Variants in RIMBP2 observed in about 807,000 individuals in gnomAD.
The protein encoded by RIMBP2 is RIMS-binding protein 2.
RIMBP2 carries 48 observed loss-of-function variants against 118.6 expected under a neutral mutation model. That is an observed-to-expected ratio of 0.40 (90% confidence interval 0.32 to 0.51). The LOEUF is 0.51. Ranked by LOEUF, RIMBP2 falls within the 20% of genes least tolerant of loss-of-function variation. RIMBP2 has a pLI of 0.41. For missense variants in RIMBP2, 1,551 were observed against 1,768.3 expected (o/e 0.88, Z 2.20); for synonymous variants, 762 against 742.9 (o/e 1.03, Z -0.42).
chr12:130,409,268 G>C (rs1311428175), intron 19 of RIMBP2, among the ~76,000 whole-genome samples: 1 of 141,380 alleles, frequency 7.1e-6, no homozygotes, highest in Non-Finnish European at 1.5e-5. Context: ...CCACAGATCT[G>C]TTTCCTGTCC....
intron 5 of RIMBP2, among the ~76,000 whole-genome samples, chr12:130,473,341 G>A (rs568908678): frequency 6.6e-6 from 1 of 152,362 alleles, no homozygotes; most frequent in Admixed American, 6.5e-5. Context: ...AGCTCCCGAC[G>A]CTGGAGGAAG....
At position 130,447,231 on chromosome 12, in the gene RIMBP2, A is replaced by AG. The variant is rs1382681712; in HGVS notation, c.582-1963dup. ...TGAGAGGGAAGCCGCGGAGGCCAAGAGGGAAGGTGAACACCGAGAAGGGTG... is the reference window on the plus strand; with the variant it reads ...TGAGAGGGAAGCCGCGGAGGCCAAGAGGGGAAGGTGAACACCGAGAAGGGTG... On this transcript the variant is annotated intron_variant, in intron 9 of 22. Coordinates refer to ENST00000690449, the MANE Select transcript of RIMBP2 (RefSeq NM_001393629.1). The surrounding 1 kb of genome is among the most constrained non-coding windows in gnomAD (Gnocchi z 4.4). 6.6e-6 allele frequency among the ~76,000 whole-genome samples: 1 copy of AG among 151,648 alleles called. No individual in the cohort carries two copies. Among genetic ancestry groups the AG allele is most frequent in the Non-Finnish European group, 1.5e-5 (1 of 67,900 alleles).
rs1017167790 is a variant in RIMBP2 at position 130,581,733 on chromosome 12, G to C, written c.-217+46589C>G. Among the ~76,000 whole-genome samples the C allele has an allele frequency of 3.9e-5, 6 of 152,272 alleles. No individual in the cohort carries two copies. Among genetic ancestry groups the C allele is most frequent in the Middle Eastern group, 3.4e-3 (1 of 294 alleles). On this transcript the variant is annotated intron_variant, in intron 2 of 22. Transcript: ENST00000690449. The surrounding 1 kb of genome is among the most constrained non-coding windows in gnomAD (Gnocchi z 4.4). ...GCCTGAGTCATCACCATTCCTCGCC[G>C]GGTTATGAGAATGGCCTCTCAATGG...
intron 2 of RIMBP2, among the ~76,000 whole-genome samples, chr12:130,520,015 A>G (rs1484753044): frequency 6.6e-6 from 1 of 152,160 alleles, no homozygotes; most frequent in Non-Finnish European, 1.5e-5. Flanking sequence ...ACGTTCTGCC[A>G]CCACACAGCC....
rs974755890 is a variant in RIMBP2, at chr12:130,514,512, C to T, written c.-127+3316G>A. ...CTGCAGGGCTCAGCTCCAGCACCCC[C>T]ATCCCCCCACAGCTGGCATTGCCTC... On this transcript the variant is annotated intron_variant, in intron 3 of 22. Transcript: ENST00000690449. 1.8e-4 allele frequency among the ~76,000 whole-genome samples: 27 copies of T among 152,324 alleles called. 1 individual carries two copies. Among genetic ancestry groups the T allele is most frequent in the Admixed American group, 1.6e-3 (24 of 15,300 alleles).
At chr12:130,656,144 G>A (rs1435997116) in intron 1 of RIMBP2, among the ~76,000 whole-genome samples, 1 of 152,206 alleles carries the variant, frequency 6.6e-6, no homozygotes, top group Non-Finnish European at 1.5e-5. Flanking sequence ...GTGGGCCCCG[G>A]GAGGGCCAGG....
intron 2 of RIMBP2, among the ~76,000 whole-genome samples, chr12:130,527,894 CCATCT>C (rs977912288): frequency 6.6e-6 from 1 of 152,156 alleles, no homozygotes; most frequent in African/African-American, 2.4e-5. Context: ...CAATGAGATA[CCATCT>C]CATAACAGTC....
intron 1 of RIMBP2, among the ~76,000 whole-genome samples, chr12:130,685,252 C>T (rs2064986905): frequency 6.6e-6 from 1 of 152,194 alleles, no homozygotes; most frequent in African/African-American, 2.4e-5. Context: ...ACCTCTCCGT[C>T]TCCAGATGGT....
At chr12:130,550,544 TG>T (rs926575230) in intron 2 of RIMBP2, among the ~76,000 whole-genome samples, 29 of 152,322 alleles carry the variant, frequency 1.9e-4, no homozygotes, top group African/African-American at 6.7e-4. Context: ...ATGTTTCCAC[TG>T]GGGTCAGCTG....
chr12:130,595,004 T>A (rs551786700), intron 2 of RIMBP2, among the ~76,000 whole-genome samples: 1 of 152,350 alleles, frequency 6.6e-6, no homozygotes, highest in South Asian at 2.1e-4. Flanking sequence ...CAGACACTAT[T>A]TTAAAACACT....
chr12:130,457,649 C>T (rs978885223), intron 6 of RIMBP2, among the ~76,000 whole-genome samples: 1 of 152,250 alleles, frequency 6.6e-6, no homozygotes, highest in African/African-American at 2.4e-5. Flanking sequence ...GACCGCCCCC[C>T]GGCACTGCAG....
At chr12:130,514,447 G>C (rs2051231013) in intron 3 of RIMBP2, among the ~76,000 whole-genome samples, 1 of 152,268 alleles carries the variant, frequency 6.6e-6, no homozygotes, top group South Asian at 2.1e-4. Context: ...TGAGCGCTGG[G>C]ACCCCCACCT....
At chr12:130,697,221 A>T (rs2065618783) in intron 1 of RIMBP2, among the ~76,000 whole-genome samples, 1 of 152,206 alleles carries the variant, frequency 6.6e-6, no homozygotes, top group South Asian at 2.1e-4. Context: ...AGAATTCCAG[A>T]CCCAAGAAGT....
At position 130,445,211 on chromosome 12, in the gene RIMBP2, C is replaced by T; in HGVS notation, c.640G>A (p.Gly214Arg). ...TCTCCATAGACGTAGAGGTATTTTC[C>T]CGCCGTGAGGGGCAGCTCAGCTTCG... ...NPEAELPLTA[G>R]KYLYVYGDMD... Residue 214 changes from glycine (G) to arginine (R), a missense_variant, in exon 10 of 23, where the codon GGA becomes AGA. Gly to Arg is a moderately radical substitution (Grantham distance 125, BLOSUM62 -2). This residue lies in a region of RIMBP2 where 265 missense variants were observed against 349.5 expected (regional missense o/e 0.76). Transcript: ENST00000690449. The T allele has an allele frequency of 2.5e-6, 4 of 1,613,414 alleles. No homozygotes were observed. The highest frequency in any genetic ancestry group is 3.4e-6 in the Non-Finnish European group (4 of 1,179,732).
At chr12:130,653,263 C>T (rs374536243) in intron 1 of RIMBP2, among the ~76,000 whole-genome samples, 14 of 152,140 alleles carry the variant, frequency 9.2e-5, no homozygotes, top group African/African-American at 2.9e-4. Flanking sequence ...GTGGTCTAGG[C>T]GTTGGGTAAA....
chr12:130,592,119 T>C (rs562878622), intron 2 of RIMBP2, among the ~76,000 whole-genome samples: 1 of 152,330 alleles, frequency 6.6e-6, no homozygotes, highest in Admixed American at 6.5e-5. Context: ...AGCTGTTTCA[T>C]GACAGTCTCA....
chr12:130,714,715 G>T (rs1015634982), intron 1 of RIMBP2, among the ~76,000 whole-genome samples: 1 of 152,200 alleles, frequency 6.6e-6, no homozygotes, highest in Non-Finnish European at 1.5e-5. Flanking sequence ...TGCAGAAGGG[G>T]TGCCCGCCGG....
At chr12:130,671,091 A>G (rs1380622110) in intron 1 of RIMBP2, among the ~76,000 whole-genome samples, 1 of 152,186 alleles carries the variant, frequency 6.6e-6, no homozygotes, top group African/African-American at 2.4e-5. Flanking sequence ...TAGGACAGAA[A>G]AGTAGAAGGG....
chr12:130,626,666 C>A (rs1175948195), intron 2 of RIMBP2, among the ~76,000 whole-genome samples: 1 of 151,580 alleles, frequency 6.6e-6, no homozygotes, highest in African/African-American at 2.4e-5. Flanking sequence ...CCATGACTAC[C>A]AGTCATCACC....
Sources: allele counts gnomAD v4.1 joint callset (sites outside exome capture counted in the v4.1 genomes callset), GRCh38; gene constraint gnomAD v4.1.1; regional missense constraint gnomAD v4.1.1; non-coding constraint Gnocchi (gnomAD v3.1); transcripts MANE v1.5; gene names NCBI Gene and HGNC (gene_info 2026-07-23, HGNC 2026-07-21).